Variants in CFAP299 observed in about 807,000 individuals in gnomAD.
The protein encoded by CFAP299 is cilia and flagella associated protein 299.
CFAP299 carries 21 observed loss-of-function variants against 27.0 expected under a neutral mutation model. That is an observed-to-expected ratio of 0.78 (90% confidence interval 0.55 to 1.12). The LOEUF is 1.12. Among genes scored for constraint, CFAP299 ranks in the 50% most tolerant of loss-of-function variants. The pLI is 0.00. For synonymous variants in CFAP299, 104 were observed against 98.1 expected (o/e 1.06, Z -0.36); for missense variants, 310 against 276.6 (o/e 1.12, Z -0.86).
chr4:80,933,869 G>T (rs1339639713), intron 4 of CFAP299, among the ~76,000 whole-genome samples: 1 of 152,036 alleles, frequency 6.6e-6, no homozygotes, highest in African/African-American at 2.4e-5. Context: ...GATATCATTT[G>T]CAAACAGAGG....
intron 3 of CFAP299, among the ~76,000 whole-genome samples, chr4:80,785,340 G>A (rs189899053): frequency 2.7e-4 from 41 of 151,948 alleles, no homozygotes; most frequent in African/African-American, 9.2e-4. Context: ...CTATTTTCCC[G>A]CCCTTACCAA....
intron 2 of CFAP299, among the ~76,000 whole-genome samples, chr4:80,373,597 C>A (rs1578368374): frequency 6.6e-6 from 1 of 152,062 alleles, no homozygotes; most frequent in Non-Finnish European, 1.5e-5. Flanking sequence ...GATTGCCCAT[C>A]TGTTTTGTTC....
At chr4:80,862,977 C>T (rs1732475590) in intron 3 of CFAP299, among the ~76,000 whole-genome samples, 1 of 152,082 alleles carries the variant, frequency 6.6e-6, no homozygotes, top group Admixed American at 6.6e-5. Flanking sequence ...TGCAAAATCA[C>T]TTATGTTCTG....
chr4:80,531,747 GTTTTTTTT>G lies in CFAP299; in HGVS notation c.243-51330_243-51323del, dbSNP rs200507684. 1.8e-4 allele frequency among the ~76,000 whole-genome samples: 21 copies of G among 116,488 alleles called. No homozygotes were observed. In the East Asian group the frequency reaches 4.9e-3, roughly 27 times the overall value. 76.4% of individuals were successfully genotyped at this position (116,488 alleles called of 152,430 possible). ...CCCATTTCTGACTGATAAGATAGAA[GTTTTTTTT>G]TTTTTTTTTTTTTTTGAGATGGAGT... is the stretch of plus-strand genomic sequence containing the variant. On this transcript the variant is annotated intron_variant, in intron 2 of 5. Coordinates refer to ENST00000358105, the MANE Select transcript of CFAP299 (RefSeq NM_152770.3).
chr4:80,831,256 T>A (rs1281363191), intron 3 of CFAP299, among the ~76,000 whole-genome samples: 1 of 152,148 alleles, frequency 6.6e-6, no homozygotes, highest in African/African-American at 2.4e-5. Context: ...ATATTAAAAA[T>A]TTTACTGTCT....
At chr4:80,529,233 GTT>G (rs199551516) in intron 2 of CFAP299, among the ~76,000 whole-genome samples, 1 of 150,890 alleles carries the variant, frequency 6.6e-6, no homozygotes, top group Non-Finnish European at 1.5e-5. Flanking sequence ...CCTTTCCATG[GTT>G]TTTTTTTCTC....
At chr4:80,897,599 C>A (rs970710379) in intron 4 of CFAP299, among the ~76,000 whole-genome samples, 1 of 152,118 alleles carries the variant, frequency 6.6e-6, no homozygotes, top group Non-Finnish European at 1.5e-5. Flanking sequence ...AAAAAAGCTG[C>A]AGCCTCTACC....
intron 2 of CFAP299, among the ~76,000 whole-genome samples, chr4:80,390,718 C>T (rs1480287548): frequency 2.2e-5 from 3 of 138,658 alleles, no homozygotes; most frequent in Non-Finnish European, 4.6e-5. Flanking sequence ...TATGTATACA[C>T]ACATACATGT....
chr4:80,719,489 G>A (rs1722694905), intron 3 of CFAP299, among the ~76,000 whole-genome samples: 1 of 152,128 alleles, frequency 6.6e-6, no homozygotes, highest in South Asian at 2.1e-4. Flanking sequence ...TGCAACGTAT[G>A]TGAGTTCCAC....
the CFAP299 span, among the ~76,000 whole-genome samples, chr4:80,327,864 T>C: frequency 2.0e-5 from 3 of 148,914 alleles, no homozygotes; most frequent in Non-Finnish European, 3.0e-5. Flanking sequence ...TTCAAACATG[T>C]AGAAGTTTAG....
intron 3 of CFAP299, among the ~76,000 whole-genome samples, chr4:80,749,907 C>T (rs758278673): frequency 6.6e-6 from 1 of 152,178 alleles, no homozygotes; most frequent in Non-Finnish European, 1.5e-5. Context: ...ACTTTGTATC[C>T]TTCAGTCCAG....
chr4:80,581,404 A>G (rs1434623820), intron 2 of CFAP299, among the ~76,000 whole-genome samples: 1 of 144,842 alleles, frequency 6.9e-6, no homozygotes, highest in Non-Finnish European at 1.5e-5. Flanking sequence ...TTTTCCATGT[A>G]TATTTAGGTT....
At chr4:80,747,172 A>T (rs1032011508) in intron 3 of CFAP299, among the ~76,000 whole-genome samples, 1 of 152,096 alleles carries the variant, frequency 6.6e-6, no homozygotes, top group Non-Finnish European at 1.5e-5. Context: ...GTTGACTAAA[A>T]TGTCATTATG....
intron 3 of CFAP299, among the ~76,000 whole-genome samples, chr4:80,733,425 A>T (rs1723654383): frequency 6.6e-6 from 1 of 152,126 alleles, no homozygotes; most frequent in Admixed American, 6.6e-5. Flanking sequence ...AAAATTGGAT[A>T]TCCATCCCCT....
At chr4:80,387,200 T>C in intron 2 of CFAP299, 3 of 1,371,554 alleles carry the variant, frequency 2.2e-6, no homozygotes, top group South Asian at 1.2e-5. Context: ...GGAGTACTGG[T>C]GCACGCTCAG....
chr4:80,616,377 C>T lies in CFAP299; in HGVS notation c.333+33194C>T, dbSNP rs571732051. On this transcript the variant is annotated intron_variant, in intron 3 of 5. Transcript: ENST00000358105. ...ATACATATAAACTTTTATATACACG[C>T]GTGTACTTTTATATGTGTAATTTTT... Among the ~76,000 whole-genome samples the T allele has an allele frequency of 5.1e-4, 78 of 151,796 alleles. 1 individual carries two copies. Among genetic ancestry groups the T allele is most frequent in the African/African-American group, 1.2e-3 (51 of 41,410 alleles).
chr4:80,712,448 A>T (rs1722233303), intron 3 of CFAP299, among the ~76,000 whole-genome samples: 1 of 152,194 alleles, frequency 6.6e-6, no homozygotes, highest in Non-Finnish European at 1.5e-5. Flanking sequence ...AAGACTAACT[A>T]ACAATGGCAA....
chr4:80,508,785 T>C (rs1160384245), intron 2 of CFAP299, among the ~76,000 whole-genome samples: 2 of 152,138 alleles, frequency 1.3e-5, no homozygotes, highest in African/African-American at 4.8e-5. Flanking sequence ...CTTGAAATCC[T>C]AGGCTCAAGC....
At chr4:80,563,973 A>G (rs904308730) in intron 2 of CFAP299, among the ~76,000 whole-genome samples, 9 of 152,080 alleles carry the variant, frequency 5.9e-5, no homozygotes, top group African/African-American at 2.2e-4. Flanking sequence ...CAACCAGCCA[A>G]GTTTGAATAA....
Sources: gnomAD v4.1 joint callset for allele counts (sites outside exome capture counted in the v4.1 genomes callset) on GRCh38, gnomAD v4.1.1 for gene constraint, MANE v1.5 for transcripts, NCBI Gene and HGNC (gene_info 2026-07-23, HGNC 2026-07-21) for gene names.